RIMBP2: variants seen among roughly 807,000 people sequenced by gnomAD.
RIMBP2 encodes the protein RIMS-binding protein 2.
A neutral mutation model predicts 118.6 loss-of-function variants in RIMBP2; 48 were observed. That is an observed-to-expected ratio of 0.40 (90% CI 0.32 to 0.51). RIMBP2 has a LOEUF of 0.51. Ranked by LOEUF, RIMBP2 falls within the 20% of genes least tolerant of loss-of-function variation. RIMBP2 has a pLI of 0.41. For missense variants in RIMBP2, 1,551 were observed against 1,768.3 expected (o/e 0.88, Z 2.20); for synonymous variants, 762 against 742.9 (o/e 1.03, Z -0.42).
chr12:130,591,034 C>T (rs1368686969), intron 2 of RIMBP2, among the ~76,000 whole-genome samples: 2 of 152,206 alleles, frequency 1.3e-5, no homozygotes, highest in Non-Finnish European at 2.9e-5. Context: ...TTAACATCTT[C>T]TCAGGGTGCA....
chr12:130,488,616 A>G (rs898299510), intron 4 of RIMBP2, among the ~76,000 whole-genome samples: 1 of 151,946 alleles, frequency 6.6e-6, no homozygotes, highest in South Asian at 2.1e-4. Context: ...TGAAACATCT[A>G]TAGAAAAATC....
chr12:130,467,454 A>G (rs1370457197), intron 6 of RIMBP2, among the ~76,000 whole-genome samples: 1 of 152,172 alleles, frequency 6.6e-6, no homozygotes. Flanking sequence ...TCGACCCCCT[A>G]TGATTTCATC....
chr12:130,561,885 G>A (rs532606194), intron 2 of RIMBP2, among the ~76,000 whole-genome samples: 7 of 152,220 alleles, frequency 4.6e-5, no homozygotes, highest in African/African-American at 1.2e-4. Context: ...TTTGGGAAGA[G>A]TCTTAAATTT....
At position 130,512,975 on chromosome 12, in the gene RIMBP2, A is replaced by AT. The variant is rs745649633; in HGVS notation, c.-127+4852dup. Among the ~76,000 whole-genome samples the AT allele has an allele frequency of 3.7e-3, 559 of 152,118 alleles. 8 individuals carry two copies. Among genetic ancestry groups the AT allele is most frequent in the Non-Finnish European group, 1.9e-3 (129 of 67,994 alleles). On this transcript the variant is annotated intron_variant, in intron 3 of 22. Coordinates refer to ENST00000690449, the MANE Select transcript of RIMBP2 (RefSeq NM_001393629.1). ...TGTGTCATCCTTTTAAACTTTCATAATTTTTTTACTAGGAAAAAAAATGTT... is the reference window on the plus strand; with the variant it reads ...TGTGTCATCCTTTTAAACTTTCATAATTTTTTTTACTAGGAAAAAAAATGTT...
chr12:130,423,277 G>A (rs7303240), intron 16 of RIMBP2, among the ~76,000 whole-genome samples: 66,643 of 152,058 alleles, frequency 0.44, 15,203 homozygotes, highest in Middle Eastern at 0.52. Context: ...CGGGGATGAG[G>A]CGTGTCTGCT....
chr12:130,633,764 C>T (rs2062155944), intron 1 of RIMBP2: 1 of 152,346 alleles, frequency 6.6e-6, no homozygotes, highest in Non-Finnish European at 1.5e-5. Flanking sequence ...ATCTCATTAA[C>T]CCACGGGGCT....
intron 2 of RIMBP2, among the ~76,000 whole-genome samples, chr12:130,558,823 G>T (rs1417770127): frequency 8.8e-6 from 1 of 113,266 alleles, no homozygotes; most frequent in Non-Finnish European, 1.8e-5. Context: ...CTTCCAAGGG[G>T]ACACTTTTCC....
chr12:130,638,299 T>C (rs1176250664), intron 1 of RIMBP2, among the ~76,000 whole-genome samples: 1 of 152,162 alleles, frequency 6.6e-6, no homozygotes, highest in Non-Finnish European at 1.5e-5. Flanking sequence ...CTCAACACTT[T>C]TAAAAAATAA....
intron 2 of RIMBP2, among the ~76,000 whole-genome samples, chr12:130,573,644 C>T (rs2057865627): frequency 6.6e-6 from 1 of 152,082 alleles, no homozygotes; most frequent in Admixed American, 6.5e-5. Context: ...CTGACCCCCA[C>T]CTGGGGGGGT....
intron 2 of RIMBP2, among the ~76,000 whole-genome samples, chr12:130,565,398 C>A (rs2057142474): frequency 6.6e-6 from 1 of 152,160 alleles, no homozygotes; most frequent in Non-Finnish European, 1.5e-5. Flanking sequence ...GGTATCATAT[C>A]ATTGTCAGCT....
chr12:130,433,081 T>C (rs2077255050), intron 14 of RIMBP2, among the ~76,000 whole-genome samples: 1 of 152,168 alleles, frequency 6.6e-6, no homozygotes, highest in Admixed American at 6.5e-5. Context: ...ACAGGCGCTA[T>C]GGGACTCCTC....
chr12:130,697,712 C>T (rs2065641557), intron 1 of RIMBP2, among the ~76,000 whole-genome samples: 1 of 152,184 alleles, frequency 6.6e-6, no homozygotes, highest in Non-Finnish European at 1.5e-5. Flanking sequence ...GTCCCAGCTA[C>T]TCCAGAGGCT....
At chr12:130,411,548 T>C (rs917638333) in intron 19 of RIMBP2, among the ~76,000 whole-genome samples, 2 of 108,644 alleles carry the variant, frequency 1.8e-5, no homozygotes, top group East Asian at 9.0e-4. Context: ...TTTAGAAAAA[T>C]AGCATAAAAA....
At chr12:130,616,640 G>A (rs1409176606) in intron 2 of RIMBP2, among the ~76,000 whole-genome samples, 2 of 152,352 alleles carry the variant, frequency 1.3e-5, no homozygotes, top group East Asian at 3.9e-4. Flanking sequence ...GAATGAGATA[G>A]AGGTTACGGA....
intron 2 of RIMBP2, among the ~76,000 whole-genome samples, chr12:130,529,959 G>T (rs1301933922): frequency 6.6e-6 from 1 of 152,206 alleles, no homozygotes; most frequent in Non-Finnish European, 1.5e-5. Context: ...GTGCAGCCCA[G>T]TTCCTAACAG....
intron 1 of RIMBP2, among the ~76,000 whole-genome samples, chr12:130,634,427 C>T (rs897998738): frequency 5.9e-5 from 9 of 152,146 alleles, no homozygotes; most frequent in Admixed American, 3.3e-4. Flanking sequence ...CATCAAAGCC[C>T]TTGGAGCAAA....
rs191494769 is a variant in RIMBP2, at chr12:130,503,252, C to G, written c.-4+3396G>C. On this transcript the variant is annotated intron_variant, in intron 4 of 22. Transcript: ENST00000690449. ...AAATACAAAAAAAAAAAATATTATCCGGGTGTGGTGGTGTGTGTCTGTAAT... is the reference window on the plus strand; with the variant it reads ...AAATACAAAAAAAAAAAATATTATCGGGGTGTGGTGGTGTGTGTCTGTAAT... 7.4e-3 allele frequency among the ~76,000 whole-genome samples: 1,121 copies of G among 151,216 alleles called. 15 individuals are homozygous for G. The highest frequency in any genetic ancestry group is 0.026 in the African/African-American group (1,071 of 41,232).
intron 1 of RIMBP2, among the ~76,000 whole-genome samples, chr12:130,673,224 C>T (rs895289439): frequency 5.3e-5 from 8 of 152,236 alleles, no homozygotes; most frequent in Non-Finnish European, 7.3e-5. Context: ...AGGTGGGTGC[C>T]TCGCCGGACA....
rs560492975 is a variant in RIMBP2 at position 130,700,416 on chromosome 12, A to G, written c.-352+15806T>C. ...CGTTCACTCGAGACCTCAGAATGGG[A>G]CCTCACTTGGAAGTAGGGTTTTTGA... is the stretch of plus-strand genomic sequence containing the variant. On this transcript the variant is annotated intron_variant, in intron 1 of 22. Coordinates refer to ENST00000690449, the MANE Select transcript of RIMBP2 (RefSeq NM_001393629.1). Among the ~76,000 whole-genome samples the G allele has an allele frequency of 2.0e-5, 3 of 152,186 alleles. No individual in the cohort carries two copies. The East Asian group carries it at 5.8e-4, about 29-fold the overall frequency.
Sources: allele counts gnomAD v4.1 joint callset (sites outside exome capture counted in the v4.1 genomes callset), GRCh38; gene constraint gnomAD v4.1.1; transcripts MANE v1.5; gene names NCBI Gene and HGNC (gene_info 2026-07-23, HGNC 2026-07-21).